The following CALHM4 variants were observed in gnomAD, a reference collection of about 807,000 sequenced individuals.
CALHM4 encodes the protein calcium homeostasis modulator protein 4.
CALHM4 carries 16 observed loss-of-function variants against 13.3 expected under a neutral mutation model. The observed-to-expected ratio is 1.20, with a 90% CI of 0.81 to 1.82. CALHM4 has a LOEUF of 1.82. Ranked by LOEUF, CALHM4 falls within the 40% of genes most tolerant of loss-of-function variation. The pLI, the probability that CALHM4 is intolerant of heterozygous loss-of-function variation, is 0.00. For missense variants in CALHM4, 344 were observed against 374.9 expected (o/e 0.92, Z 0.68); for synonymous variants, 127 against 137.1 (o/e 0.93, Z 0.52).
chr6:116,546,207 G>A (rs981954385), intron 2 of CALHM4, among the ~76,000 whole-genome samples: 2 of 152,152 alleles, frequency 1.3e-5, no homozygotes, highest in Non-Finnish European at 1.5e-5. Context: ...CAAAATGGGC[G>A]CTCTACAGTA....
chr6:116,540,166 G>C (rs534849603), intron 1 of CALHM4, among the ~76,000 whole-genome samples: 1 of 152,124 alleles, frequency 6.6e-6, no homozygotes, highest in Non-Finnish European at 1.5e-5. Context: ...AAAATCTATA[G>C]TTGCTTAAAT....
chr6:116,544,073 C>T (rs1213494791), intron 2 of CALHM4, among the ~76,000 whole-genome samples: 2 of 150,638 alleles, frequency 1.3e-5, no homozygotes, highest in Non-Finnish European at 3.0e-5. Context: ...AAAGTCTGCT[C>T]AACATATAAG....
intron 1 of CALHM4, among the ~76,000 whole-genome samples, chr6:116,529,777 C>G (rs1772585158): frequency 6.6e-6 from 1 of 152,118 alleles, no homozygotes; most frequent in South Asian, 2.1e-4. Flanking sequence ...AGATTTTAAC[C>G]AAGTGAAGGG....
At chr6:116,540,233 CA>C (rs1260144217) in intron 1 of CALHM4, 5 of 830,338 alleles carry the variant, frequency 6.0e-6, no homozygotes, top group Non-Finnish European at 3.7e-6. Flanking sequence ...GCTTTTCAAT[CA>C]GAATCTCCTT....
intron 1 of CALHM4, chr6:116,540,287 T>C: frequency 7.2e-7 from 1 of 1,393,236 alleles, no homozygotes; most frequent in Non-Finnish European, 9.9e-7. Context: ...CTGTCCAATC[T>C]GAACAGAAAA....
At chr6:116,530,436 C>T (rs960984052) in intron 1 of CALHM4, among the ~76,000 whole-genome samples, 1 of 152,002 alleles carries the variant, frequency 6.6e-6, no homozygotes, top group Non-Finnish European at 1.5e-5. Flanking sequence ...AAGAAAAAGC[C>T]CCACAGGATT....
At chr6:116,544,797 T>G (rs1773673858) in intron 2 of CALHM4, among the ~76,000 whole-genome samples, 1 of 152,052 alleles carries the variant, frequency 6.6e-6, no homozygotes, top group African/African-American at 2.4e-5. Context: ...ACACCAAGTC[T>G]GAAATTACTT....
intron 1 of CALHM4, among the ~76,000 whole-genome samples, chr6:116,556,580 G>A (rs1295555557): frequency 2.0e-5 from 3 of 152,244 alleles, no homozygotes; most frequent in Non-Finnish European, 4.4e-5. Context: ...CTTCAGGCCT[G>A]TTGGTAAATC....
In CALHM4 at chr6:116,545,350, C is replaced by T. The variant is rs1012973354; in HGVS notation, c.-1+1478C>T. ...TAGATGTGTCATTTATGATTCACTTCGCTGAACACTGTCTTTCCTCCACTA... is the reference window on the plus strand; with the variant it reads ...TAGATGTGTCATTTATGATTCACTTTGCTGAACACTGTCTTTCCTCCACTA... On this transcript the variant is annotated intron_variant, in intron 2 of 2. Coordinates refer to the CALHM4 transcript ENST00000368597. 40 of 704,796 alleles carry T rather than the reference C, an allele frequency of 5.7e-5. No individual in the cohort carries two copies. The Middle Eastern group carries it at 1.2e-3, about 21-fold the overall frequency. 43.7% of individuals were successfully genotyped at this position (704,796 alleles called of 1,614,324 possible).
chr6:116,548,856 G>A (rs917957996), upstream of CALHM4, among the ~76,000 whole-genome samples: 13 of 152,166 alleles, frequency 8.5e-5, no homozygotes, highest in African/African-American at 2.9e-4. Context: ...ATTGAATACT[G>A]CACTGACAAT....
At chr6:116,547,559 A>G (rs1773857384) in intron 2 of CALHM4, among the ~76,000 whole-genome samples, 2 of 152,178 alleles carry the variant, frequency 1.3e-5, no homozygotes, top group Non-Finnish European at 2.9e-5. Context: ...CACAGGGGAC[A>G]CTGGTTTGCT....
intron 1 of CALHM4, among the ~76,000 whole-genome samples, chr6:116,555,424 C>G (rs1178740874): frequency 6.6e-6 from 1 of 152,166 alleles, no homozygotes; most frequent in Non-Finnish European, 1.5e-5. Flanking sequence ...AACGCATACA[C>G]AGATTTCTGT....
At chr6:116,533,439 C>T (rs967798070) in intron 1 of CALHM4, among the ~76,000 whole-genome samples, 44 of 152,316 alleles carry the variant, frequency 2.9e-4, no homozygotes, top group African/African-American at 1.0e-3. Context: ...AAGAAAAACA[C>T]GTGGCTTCAT....
At chr6:116,543,118 C>A (rs1773564506) in intron 1 of CALHM4, among the ~76,000 whole-genome samples, 1 of 152,064 alleles carries the variant, frequency 6.6e-6, no homozygotes, top group Admixed American at 6.6e-5. Flanking sequence ...AAAAATCCTT[C>A]CTATTATCTT....
At position 116,554,158 on chromosome 6, in the gene CALHM4, C is replaced by A. The variant is rs1003998635; in HGVS notation, c.365C>A (p.Thr122Asn). ...GCTCCTTTAACTTGGCTGGCGGTGA[C>A]CCTGCTGACAGGCACGTATTATGAA... is the stretch of plus-strand genomic sequence containing the variant. ...VIAPLTWLAV[T>N]LLTGTYYECA... Residue 122 changes from threonine to asparagine, a missense_variant, in exon 1 of 2, where the codon ACC (threonine) becomes AAC (asparagine). Thr to Asn is a moderately conservative substitution (Grantham distance 65, BLOSUM62 0). Transcript: ENST00000368596. The A allele has an allele frequency of 3.9e-6, 6 of 1,550,496 alleles. No homozygotes were observed. Among genetic ancestry groups the A allele is most frequent in the Non-Finnish European group, 5.2e-6 (6 of 1,146,992 alleles).
rs1288869551 is a variant in CALHM4, at chr6:116,557,418, A to G, written c.559-407A>G. On this transcript the variant is annotated intron_variant, in intron 1 of 1. Coordinates refer to ENST00000368596, the MANE Select transcript of CALHM4 (RefSeq NM_001366078.2). ...GTATCATATCATTTTCATCACCATC[A>G]TTATCAAATACTTATTAAACACCCA... Among the ~76,000 whole-genome samples, 4 of 152,236 alleles carry G rather than the reference A, an allele frequency of 2.6e-5. No individual in the cohort carries two copies. In the East Asian group the frequency reaches 5.8e-4, roughly 22 times the overall value.
At chr6:116,553,742 A>T, upstream of CALHM4, 1 of 1,470,578 alleles carries the variant, frequency 6.8e-7, no homozygotes, top group Non-Finnish European at 9.2e-7. Flanking sequence ...TAGCTGGTGG[A>T]GTCTAATGAT....
At chr6:116,546,398 T>C (rs1293912060) in intron 2 of CALHM4, among the ~76,000 whole-genome samples, 1 of 152,228 alleles carries the variant, frequency 6.6e-6, no homozygotes, top group Non-Finnish European at 1.5e-5. Context: ...TTTCCAGAAA[T>C]GGAAGCGGAA....
At chr6:116,545,864 T>A (rs1773752870) in intron 2 of CALHM4, among the ~76,000 whole-genome samples, 2 of 152,190 alleles carry the variant, frequency 1.3e-5, no homozygotes. Context: ...AAGAGTGGTG[T>A]TTTGTTCTCA....
Sources: gnomAD v4.1 joint callset for allele counts (sites outside exome capture counted in the v4.1 genomes callset) on GRCh38, gnomAD v4.1.1 for gene constraint, MANE v1.5 for transcripts, NCBI Gene and HGNC (gene_info 2026-07-23, HGNC 2026-07-21) for gene names.